The following DAPK1 variants were observed in gnomAD, a reference collection of about 807,000 sequenced individuals.
DAPK1 encodes the protein death-associated protein kinase 1.
DAPK1 carries 56 observed loss-of-function variants against 144.9 expected under a neutral mutation model. That is an observed-to-expected ratio of 0.39 (90% CI 0.31 to 0.48). The LOEUF (loss-of-function observed/expected upper bound fraction) is 0.48. DAPK1 is among the 20% of genes least tolerant of loss of function. The pLI is 0.95. For missense variants in DAPK1, 1,454 were observed against 1,875.4 expected, an observed-to-expected ratio of 0.78 and a Z score of 4.15; for synonymous variants, 690 against 749.0, an observed-to-expected ratio of 0.92 and a Z score of 1.29.
intron 2 of DAPK1, among the ~76,000 whole-genome samples, chr9:87,506,577 T>C (rs1265517009): frequency 6.6e-6 from 1 of 152,264 alleles, no homozygotes; most frequent in Non-Finnish European, 1.5e-5. Context: ...TACCTGCCAC[T>C]GACCAACAGT....
intron 3 of DAPK1, among the ~76,000 whole-genome samples, chr9:87,630,092 A>G (rs1420069785): frequency 1.3e-5 from 2 of 152,186 alleles, no homozygotes; most frequent in East Asian, 3.9e-4. Flanking sequence ...AGCATCAGCC[A>G]TTGTCTGATT....
chr9:87,647,427 A>T (rs778816744), intron 14 of DAPK1, 24 bp downstream of exon 14: 1 of 1,596,218 alleles, frequency 6.3e-7, no homozygotes, highest in East Asian at 2.2e-5. Context: ...TCTTAGGAGG[A>T]ACATGAGGTG....
Position 87,700,205 on chromosome 9 carries a change from C to A in DAPK1, c.2839C>A (p.His947Asn), listed in dbSNP as rs770473562. The change falls in exon 24 of 26, where the codon CAT becomes AAT. Residue 947 changes from histidine (H) to asparagine (N), a missense_variant. This residue lies in a region of DAPK1 where 1,025 missense variants were observed against 1,237.9 expected (regional missense o/e 0.83). Coordinates refer to ENST00000408954, the MANE Select transcript of DAPK1 (RefSeq NM_004938.4). ...GSKDMKVLRN[H>N]LQEIRSQIVS... ...AAAGGACATGAAGGTACTTCGAAATCATCTGCAAGAAATACGAAGCCAGAT... is the reference window on the plus strand; with the variant it reads ...AAAGGACATGAAGGTACTTCGAAATAATCTGCAAGAAATACGAAGCCAGAT... 4.3e-6 allele frequency: 7 copies of A among 1,609,860 alleles called. No homozygotes were observed. The highest frequency in any genetic ancestry group is 6.0e-6 in the Non-Finnish European group (7 of 1,176,078).
chr9:87,619,727 C>T (rs1008270725), intron 3 of DAPK1, among the ~76,000 whole-genome samples: 8 of 152,140 alleles, frequency 5.3e-5, no homozygotes, highest in East Asian at 1.9e-4. Context: ...TGGGACTCCA[C>T]GGGACAGGCA....
chr9:87,611,263 C>T (rs971233047), intron 3 of DAPK1, among the ~76,000 whole-genome samples: 4 of 152,278 alleles, frequency 2.6e-5, no homozygotes, highest in South Asian at 2.1e-4. Context: ...GACAGGCTTC[C>T]AGAGTTTTGT....
intron 2 of DAPK1, among the ~76,000 whole-genome samples, chr9:87,509,442 A>G (rs756098293): frequency 2.0e-5 from 3 of 151,784 alleles, no homozygotes; most frequent in African/African-American, 7.3e-5. Flanking sequence ...GCTCACCACA[A>G]CCTCTGCCTC....
At chr9:87,564,949 T>C (rs116122645) in intron 2 of DAPK1, among the ~76,000 whole-genome samples, 2,582 of 152,272 alleles carry the variant, frequency 0.017, 55 homozygotes, top group African/African-American at 0.056. Flanking sequence ...GAAGAGCTGA[T>C]AGCCCTGTGG....
chr9:87,618,316 C>T (rs1829170768), intron 3 of DAPK1, among the ~76,000 whole-genome samples: 2 of 152,188 alleles, frequency 1.3e-5, no homozygotes, highest in Admixed American at 1.3e-4. Flanking sequence ...AATTGTAATG[C>T]TCAAACAGTG....
chr9:87,617,710 C>G (rs1044457331), intron 3 of DAPK1, among the ~76,000 whole-genome samples: 1 of 152,222 alleles, frequency 6.6e-6, no homozygotes, highest in South Asian at 2.1e-4. Context: ...AGATGTGTCT[C>G]TAGGTCTCTC....
chr9:87,624,614 G>T (rs575214595), intron 3 of DAPK1, among the ~76,000 whole-genome samples: 3 of 152,270 alleles, frequency 2.0e-5, no homozygotes, highest in Non-Finnish European at 4.4e-5. Context: ...TCTTCCCCTG[G>T]ATTACTCAGC....
intron 13 of DAPK1, 61 bp from the exon 14 acceptor site, chr9:87,647,244 A>C: frequency 7.3e-4 from 803 of 1,104,398 alleles, no homozygotes; most frequent in Non-Finnish European, 1.0e-3. Context: ...AGTCTGAGGA[A>C]TGCATGCATC....
At chr9:87,664,465 G>A (rs578049803) in intron 18 of DAPK1, among the ~76,000 whole-genome samples, 131 of 152,272 alleles carry the variant, frequency 8.6e-4, no homozygotes, top group South Asian at 4.2e-3. Flanking sequence ...CATAACATTC[G>A]GGGAAGACTC....
intron 19 of DAPK1, among the ~76,000 whole-genome samples, chr9:87,672,488 A>G (rs1414593888): frequency 2.0e-5 from 3 of 152,074 alleles, no homozygotes; most frequent in African/African-American, 4.8e-5. Context: ...TCCTTTCCAC[A>G]CTGGCTGCTG....
At chr9:87,631,522 A>G (rs1829691065) in intron 3 of DAPK1, among the ~76,000 whole-genome samples, 2 of 152,184 alleles carry the variant, frequency 1.3e-5, no homozygotes, top group Admixed American at 6.5e-5. Flanking sequence ...TTCATTTCAC[A>G]CGATTTCCCT....
intron 19 of DAPK1, among the ~76,000 whole-genome samples, chr9:87,678,333 G>T (rs1438010163): frequency 1.3e-5 from 2 of 152,218 alleles, no homozygotes; most frequent in Non-Finnish European, 2.9e-5. Flanking sequence ...AGTGAAATAT[G>T]CTGGATGTCA....
chr9:87,703,310 G>T (rs1382836779), intron 25 of DAPK1, 93 bp downstream of exon 25: 1 of 692,876 alleles, frequency 1.4e-6, no homozygotes, highest in Admixed American at 2.3e-5. Flanking sequence ...TGTGAGCCTG[G>T]GGAAGCAGTG....
In DAPK1 at chr9:87,651,545, C is replaced by T. The variant is rs1268832780; in HGVS notation, c.1645C>T (p.His549Tyr). The change falls in exon 17 of 26, where the codon CAT (histidine) becomes TAT (tyrosine). Residue 549 changes from histidine to tyrosine, a missense_variant. Coordinates refer to ENST00000408954, the MANE Select transcript of DAPK1 (RefSeq NM_004938.4). ...ACDKDGHIAL[H>Y]LAVRRCQMEV... ...TTTCCAGGACGGACACATTGCCCTT[C>T]ATCTGGCTGTAAGACGGTGTCAGAT... is the stretch of plus-strand genomic sequence containing the variant. 1 of 1,614,192 alleles carries T rather than the reference C, an allele frequency of 6.2e-7. No individual in the cohort carries two copies. The highest frequency in any genetic ancestry group is 8.5e-7 in the Non-Finnish European group (1 of 1,180,026).
intron 2 of DAPK1, among the ~76,000 whole-genome samples, chr9:87,526,688 G>A (rs1042102814): frequency 2.0e-5 from 3 of 152,052 alleles, no homozygotes; most frequent in African/African-American, 4.8e-5. Flanking sequence ...TTTGGGCAGC[G>A]TCCCCCAAGT....
In DAPK1 at chr9:87,660,237, G is replaced by A. The variant is rs574143348; in HGVS notation, c.1923+2110G>A. On this transcript the variant is annotated intron_variant, in intron 18 of 25. Transcript: ENST00000408954. ...GAGCTTGGTGGGCCCGGCCTTCCCCGCAGGGAACCGGGGCTTCCTCTCCCG... is the reference window on the plus strand; with the variant it reads ...GAGCTTGGTGGGCCCGGCCTTCCCCACAGGGAACCGGGGCTTCCTCTCCCG... Among the ~76,000 whole-genome samples, 56 of 152,092 alleles carry A rather than the reference G, an allele frequency of 3.7e-4. 1 individual carries two copies. Among genetic ancestry groups the A allele is most frequent in the African/African-American group, 6.5e-4 (27 of 41,538 alleles).
Sources: allele counts gnomAD v4.1 joint callset (sites outside exome capture counted in the v4.1 genomes callset), GRCh38; gene constraint gnomAD v4.1.1; regional missense constraint gnomAD v4.1.1; transcripts MANE v1.5; gene names NCBI Gene and HGNC (gene_info 2026-07-23, HGNC 2026-07-21).